RNF150: variants seen among roughly 807,000 people sequenced by gnomAD.
The protein encoded by RNF150 is ring finger protein 150.
RNF150 carries 24 observed loss-of-function variants against 39.3 expected under a neutral mutation model. That is an observed-to-expected ratio of 0.61 (90% CI 0.44 to 0.86). The LOEUF is 0.86. RNF150 is among the 40% of genes least tolerant of loss of function. The pLI is 0.00. For synonymous variants in RNF150, 255 were observed against 227.3 expected (o/e 1.12, Z -1.10); for missense variants, 502 against 587.8 (o/e 0.85, Z 1.51).
chr4:141,196,596 T>C (rs1242927474), intron 1 of RNF150, among the ~76,000 whole-genome samples: 1 of 152,200 alleles, frequency 6.6e-6, no homozygotes, highest in East Asian at 1.9e-4. Context: ...TTGGTATAAA[T>C]ACAAAGTTAG....
At chr4:140,923,828 G>T (rs1266768376) in intron 5 of RNF150, among the ~76,000 whole-genome samples, 1 of 152,154 alleles carries the variant, frequency 6.6e-6, no homozygotes, top group African/African-American at 2.4e-5. Flanking sequence ...GTAGGGACAT[G>T]GATGAAGCTA....
At chr4:141,083,146 T>G (rs1215990740) in intron 1 of RNF150, among the ~76,000 whole-genome samples, 1 of 152,210 alleles carries the variant, frequency 6.6e-6, no homozygotes, top group Non-Finnish European at 1.5e-5. Flanking sequence ...CCAGAATGGC[T>G]CATCACAGAT....
At chr4:141,078,543 G>C (rs1737993212) in intron 1 of RNF150, among the ~76,000 whole-genome samples, 1 of 151,632 alleles carries the variant, frequency 6.6e-6, no homozygotes, top group Non-Finnish European at 1.5e-5. Context: ...CAGCACTTTG[G>C]GAGGTCAAGG....
At chr4:141,208,309 C>A (rs1728408421) in intron 1 of RNF150, among the ~76,000 whole-genome samples, 2 of 152,142 alleles carry the variant, frequency 1.3e-5, no homozygotes, top group East Asian at 3.9e-4. Flanking sequence ...CTAGCATATT[C>A]CTCTATCTCA....
intron 1 of RNF150, among the ~76,000 whole-genome samples, chr4:141,190,167 C>T (rs1237576404): frequency 6.6e-6 from 1 of 152,132 alleles, no homozygotes; most frequent in Non-Finnish European, 1.5e-5. Flanking sequence ...CCACTTCTAG[C>T]CAGTCTGAAT....
chr4:141,148,421 ACAG>A (rs1041979600), intron 1 of RNF150, among the ~76,000 whole-genome samples: 25 of 152,162 alleles, frequency 1.6e-4, no homozygotes, highest in African/African-American at 5.6e-4. Context: ...CCCCTGGACA[ACAG>A]CTTTAGCAGG....
At chr4:140,927,144 T>C (rs538160103) in intron 4 of RNF150, among the ~76,000 whole-genome samples, 40 of 152,294 alleles carry the variant, frequency 2.6e-4, no homozygotes, top group Middle Eastern at 3.4e-3. Context: ...GTTCAGGGAA[T>C]TGCTACCTTT....
intron 6 of RNF150, among the ~76,000 whole-genome samples, chr4:140,872,285 A>C (rs75753626): frequency 0.03 from 4,604 of 152,278 alleles, 167 homozygotes; most frequent in African/African-American, 0.089. Context: ...AAACTAACAA[A>C]AACTAATGTA....
intron 1 of RNF150, among the ~76,000 whole-genome samples, chr4:141,144,609 T>A (rs1400153846): frequency 1.4e-5 from 2 of 146,694 alleles, no homozygotes; most frequent in Non-Finnish European, 3.0e-5. Flanking sequence ...CTCTTAGACT[T>A]CAGAAACTTT....
At chr4:141,137,359 CAG>C (rs1189858141), upstream of RNF150, among the ~76,000 whole-genome samples, 2 of 152,158 alleles carry the variant, frequency 1.3e-5, no homozygotes, top group Admixed American at 6.5e-5. Flanking sequence ...ATTCAGGAAA[CAG>C]AGGATAATGA....
At chr4:141,195,587 A>G (rs758548850) in intron 1 of RNF150, among the ~76,000 whole-genome samples, 17 of 152,194 alleles carry the variant, frequency 1.1e-4, no homozygotes, top group Non-Finnish European at 2.4e-4. Context: ...GTAATCTGCA[A>G]AATGACCTAC....
intron 1 of RNF150, among the ~76,000 whole-genome samples, chr4:141,080,095 T>G (rs1380521816): frequency 6.6e-6 from 1 of 152,212 alleles, no homozygotes; most frequent in Non-Finnish European, 1.5e-5. Flanking sequence ...TACTTAGTAT[T>G]TGAACAAACA....
intron 4 of RNF150, among the ~76,000 whole-genome samples, chr4:140,930,361 T>G (rs1731580044): frequency 6.6e-6 from 1 of 152,214 alleles, no homozygotes; most frequent in Non-Finnish European, 1.5e-5. Flanking sequence ...CATTTCTATA[T>G]ATCTCCTGCT....
chr4:141,187,809 A>C (rs1375345855), intron 1 of RNF150, among the ~76,000 whole-genome samples: 1 of 152,130 alleles, frequency 6.6e-6, no homozygotes, highest in Non-Finnish European at 1.5e-5. Flanking sequence ...CCAATTTGCC[A>C]GTCTGTGTCT....
chr4:141,022,241 G>A (rs991303532), intron 1 of RNF150, among the ~76,000 whole-genome samples: 3 of 151,698 alleles, frequency 2.0e-5, no homozygotes, highest in Non-Finnish European at 2.9e-5. Flanking sequence ...TTTTCCTGCA[G>A]GCTGGTGGAA....
chr4:140,860,559 T>C lies in RNF150; in HGVS notation c.*7702A>G, dbSNP rs1728445487. The stretch of plus-strand genomic sequence containing the variant: ...AGAAAGACCTTGTGGGGAAGCTAAG[T>C]AGACTTTACCCCAACATCAATCATT... On this transcript the variant is annotated 3_prime_UTR_variant, in exon 7 of 7. Coordinates refer to ENST00000515673, the MANE Select transcript of RNF150 (RefSeq NM_020724.2). 1 of 152,174 alleles carries C rather than the reference T, an allele frequency of 6.6e-6. No individual in the cohort carries two copies. Among genetic ancestry groups the C allele is most frequent in the Non-Finnish European group, 1.5e-5 (1 of 68,024 alleles). 9.4% of individuals were successfully genotyped at this position (152,174 alleles called of 1,614,324 possible).
At chr4:141,151,443 C>A (rs915283054) in intron 1 of RNF150, among the ~76,000 whole-genome samples, 5 of 111,488 alleles carry the variant, frequency 4.5e-5, no homozygotes, top group Non-Finnish European at 9.4e-5. Context: ...CACACACACA[C>A]ACACACACAC....
intron 1 of RNF150, among the ~76,000 whole-genome samples, chr4:141,143,439 G>A (rs1039989974): frequency 1.3e-5 from 2 of 152,012 alleles, no homozygotes; most frequent in Non-Finnish European, 2.9e-5. Flanking sequence ...GCTCTGTTAT[G>A]TTAATCCAAT....
At position 141,133,104 on chromosome 4, in the gene RNF150, C is replaced by A. The variant is rs1010253179; in HGVS notation, c.-296G>T. On this transcript the variant is annotated 5_prime_UTR_variant, in exon 1 of 7. Transcript: ENST00000515673. ...CTTGCGGAGGAGTCCTGCTGCCGAG[C>A]GTCCTGCTCCTTCGCCCGGCTTCGC... The A allele has an allele frequency of 3.8e-5, 13 of 343,064 alleles. No homozygotes were observed. Among genetic ancestry groups the A allele is most frequent in the South Asian group, 2.4e-4 (8 of 33,878 alleles). 21.3% of individuals were successfully genotyped at this position (343,064 alleles called of 1,614,324 possible).
Sources: gnomAD v4.1 joint callset for allele counts (sites outside exome capture counted in the v4.1 genomes callset) on GRCh38, gnomAD v4.1.1 for gene constraint, MANE v1.5 for transcripts, NCBI Gene and HGNC (gene_info 2026-07-23, HGNC 2026-07-21) for gene names.